Variants in CBLB observed in about 807,000 individuals in gnomAD.
CBLB encodes Cbl proto-oncogene B, also known as E3 ubiquitin-protein ligase CBL-B.
Under a neutral mutation model 104.9 loss-of-function variants are expected in CBLB, and 31 were observed. The observed-to-expected ratio is 0.30, with a 90% CI of 0.22 to 0.40. The LOEUF (loss-of-function observed/expected upper bound fraction) is 0.40, where lower values mean the gene tolerates loss of function less well. CBLB is among the 10% of genes least tolerant of loss of function. The pLI is 1.00. For synonymous variants in CBLB, 440 were observed against 422.6 expected (o/e 1.04, Z -0.51); for missense variants, 1,062 against 1,214.6 (o/e 0.87, Z 1.87).
chr3:105,662,359 G>A (rs2063871072), intron 18 of CBLB, among the ~76,000 whole-genome samples: 1 of 152,184 alleles, frequency 6.6e-6, no homozygotes, highest in Non-Finnish European at 1.5e-5. Flanking sequence ...CAGTTTGGGA[G>A]CACACTGAAA....
chr3:105,733,216 G>A (rs560819190), intron 9 of CBLB, among the ~76,000 whole-genome samples: 1 of 151,998 alleles, frequency 6.6e-6, no homozygotes, highest in Non-Finnish European at 1.5e-5. Context: ...AATTAGCTGG[G>A]CACGGTGGCG....
Position 105,868,955 on chromosome 3 carries a change from G to T in CBLB, c.-234C>A. ...CCCGCTCTCCCCTCCCGCCCGACTC[G>T]GGGAGGCCGCGGGACGCCGCAGCAG... is the stretch of plus-strand genomic sequence containing the variant. On this transcript the variant is annotated 5_prime_UTR_variant, in exon 1 of 19. Coordinates refer to ENST00000394030, the MANE Select transcript of CBLB (RefSeq NM_170662.5). 1 of 1,020,666 alleles carries T rather than the reference G, an allele frequency of 9.8e-7. No individual in the cohort carries two copies. Among genetic ancestry groups the T allele is most frequent in the Non-Finnish European group, 1.2e-6 (1 of 852,800 alleles). 63.2% of individuals were successfully genotyped at this position (1,020,666 alleles called of 1,614,324 possible).
chr3:105,789,835 T>TTAGG (rs1202133511), intron 3 of CBLB, among the ~76,000 whole-genome samples: 2 of 152,158 alleles, frequency 1.3e-5, no homozygotes, highest in Non-Finnish European at 2.9e-5. Flanking sequence ...GGGTCTCTGT[T>TTAGG]TAAAAGTCAA....
At chr3:105,778,298 T>C (rs1202978541) in intron 3 of CBLB, among the ~76,000 whole-genome samples, 1 of 152,222 alleles carries the variant, frequency 6.6e-6, no homozygotes, top group Non-Finnish European at 1.5e-5. Context: ...CTTTGCTCCA[T>C]ATTTACTCAT....
At chr3:105,720,318 G>T in intron 9 of CBLB, 68 bp from the exon 10 acceptor site, 1 of 1,407,386 alleles carries the variant, frequency 7.1e-7, no homozygotes, top group Non-Finnish European at 9.8e-7. Flanking sequence ...TGCTAATAAT[G>T]TTCTACAACT....
intron 3 of CBLB, among the ~76,000 whole-genome samples, chr3:105,846,969 ATAC>A (rs1201039075): frequency 1.3e-5 from 2 of 152,094 alleles, no homozygotes; most frequent in Non-Finnish European, 2.9e-5. Flanking sequence ...ATTTAAATTA[ATAC>A]TACTGTATTC....
intron 3 of CBLB, among the ~76,000 whole-genome samples, chr3:105,782,125 T>C (rs1306441383): frequency 6.6e-6 from 1 of 152,176 alleles, no homozygotes; most frequent in African/African-American, 2.4e-5. Context: ...CTCATGGGAA[T>C]AGATACTACT....
Position 105,668,794 on chromosome 3 carries a change from A to G in CBLB, c.2689+1439T>C, listed in dbSNP as rs181833730. ...TCTGCATCTCCCATGCATGGCATCG[A>G]GCACGTAAGAACTACCGTACTGACA... On this transcript the variant is annotated intron_variant, in intron 18 of 18. Coordinates refer to ENST00000394030, the MANE Select transcript of CBLB (RefSeq NM_170662.5). Among the ~76,000 whole-genome samples the G allele has an allele frequency of 9.5e-4, 145 of 152,288 alleles. 2 individuals carry two copies. The highest frequency in any genetic ancestry group is 3.2e-3 in the African/African-American group (131 of 41,570).
intron 3 of CBLB, among the ~76,000 whole-genome samples, chr3:105,828,022 T>A (rs879684865): frequency 6.6e-6 from 1 of 152,226 alleles, no homozygotes; most frequent in Non-Finnish European, 1.5e-5. Flanking sequence ...TATTTCCTTC[T>A]CGCCTAAGCA....
Position 105,685,466 on chromosome 3 carries a change from C to A in CBLB, c.2055G>T (p.Lys685Asn). The change falls in exon 14 of 19, where the codon AAG becomes AAT. Residue 685 changes from lysine (K) to asparagine (N), a missense_variant and splice_region_variant. This residue lies in a region of CBLB where 605 missense variants were observed against 582.6 expected (regional missense o/e 1.04). Coordinates refer to ENST00000394030, the MANE Select transcript of CBLB (RefSeq NM_170662.5). Reference sequence around the variant, plus strand: ...GAGAATTTGCTAACGGACCAGTACACCTACCAGGGGAAAAAAAATCCAATC... The same window carrying A: ...GAGAATTTGCTAACGGACCAGTACAACTACCAGGGGAAAAAAAATCCAATC... Reference protein sequence around the residue: ...PPVTTLLPSIKCTGPLANSLS... With the variant: ...PPVTTLLPSINCTGPLANSLS... 6.2e-7 allele frequency: 1 copy of A among 1,612,366 alleles called. No homozygotes were observed. Among genetic ancestry groups the A allele is most frequent in the Non-Finnish European group, 8.5e-7 (1 of 1,178,694 alleles).
chr3:105,845,627 C>T lies in CBLB; in HGVS notation c.419+7787G>A, dbSNP rs1316204866. ...ACATTGTATCTAGCTAGCTAAGCAGCAGGGGTGCAGTTAGCCAAATACACA... is the reference window on the plus strand; with the variant it reads ...ACATTGTATCTAGCTAGCTAAGCAGTAGGGGTGCAGTTAGCCAAATACACA... On this transcript the variant is annotated intron_variant, in intron 3 of 18. Transcript: ENST00000394030. Among the ~76,000 whole-genome samples, 3 of 151,788 alleles carry T rather than the reference C, an allele frequency of 2.0e-5. No individual in the cohort carries two copies. In the East Asian group the frequency reaches 5.8e-4, roughly 29 times the overall value.
chr3:105,713,501 T>G (rs535287436), intron 10 of CBLB, among the ~76,000 whole-genome samples: 1 of 152,174 alleles, frequency 6.6e-6, no homozygotes, highest in South Asian at 2.1e-4. Context: ...GAGCTGACAA[T>G]CTACCTGAGG....
chr3:105,782,519 C>T (rs1211381558), intron 3 of CBLB, among the ~76,000 whole-genome samples: 2 of 151,956 alleles, frequency 1.3e-5, no homozygotes, highest in Non-Finnish European at 2.9e-5. Flanking sequence ...ACCCAAAATT[C>T]TGACTGGGAG....
intron 5 of CBLB, among the ~76,000 whole-genome samples, chr3:105,747,037 C>T (rs1049432817): frequency 6.6e-6 from 1 of 152,146 alleles, no homozygotes; most frequent in Non-Finnish European, 1.5e-5. Flanking sequence ...AAACTTTTCA[C>T]AGAAGTATTT....
At chr3:105,704,872 T>C (rs1350554473) in intron 10 of CBLB, among the ~76,000 whole-genome samples, 1 of 152,178 alleles carries the variant, frequency 6.6e-6, no homozygotes, top group East Asian at 1.9e-4. Flanking sequence ...AGCCAGTAAG[T>C]ATTTCAATTT....
chr3:105,678,333 A>C (rs2065894884), intron 17 of CBLB, 98 bp downstream of exon 17: 1 of 1,178,476 alleles, frequency 8.5e-7, no homozygotes, highest in Non-Finnish European at 1.3e-6. Flanking sequence ...TCTGCTAGGG[A>C]GGTAGAGACT....
intron 4 of CBLB, among the ~76,000 whole-genome samples, chr3:105,764,703 T>A (rs2078027089): frequency 6.6e-6 from 1 of 152,176 alleles, no homozygotes; most frequent in Non-Finnish European, 1.5e-5. Flanking sequence ...GAAAGGCATG[T>A]CTAAATCTGA....
At chr3:105,817,789 A>G (rs950845716) in intron 3 of CBLB, among the ~76,000 whole-genome samples, 2 of 152,228 alleles carry the variant, frequency 1.3e-5, no homozygotes, top group African/African-American at 4.8e-5. Context: ...TTTTCAGGTT[A>G]ATGTGAGAAA....
rs572484689 is a variant in CBLB at position 105,800,430 on chromosome 3, T to C, written c.420-23888A>G. Reference sequence around the variant, plus strand: ...TCTGAGGAACTTGTAGAGCCTACCATTACCAGGGCCCATCCTGGCTCAATT... The same window carrying C: ...TCTGAGGAACTTGTAGAGCCTACCACTACCAGGGCCCATCCTGGCTCAATT... On this transcript the variant is annotated intron_variant, in intron 3 of 18. Transcript: ENST00000394030. 6.1e-4 allele frequency among the ~76,000 whole-genome samples: 93 copies of C among 152,192 alleles called. 1 individual carries two copies. The highest frequency in any genetic ancestry group is 2.0e-3 in the African/African-American group (85 of 41,538).
Sources: gnomAD v4.1 joint callset for allele counts (sites outside exome capture counted in the v4.1 genomes callset) on GRCh38, gnomAD v4.1.1 for gene constraint, gnomAD v4.1.1 regional missense constraint, MANE v1.5 for transcripts, NCBI Gene and HGNC (gene_info 2026-07-23, HGNC 2026-07-21) for gene names.